PRKG1: variants seen among roughly 807,000 people sequenced by gnomAD.
PRKG1 encodes protein kinase cGMP-dependent 1, also known as cGMP-dependent protein kinase 1.
Under a neutral mutation model 88.1 loss-of-function variants are expected in PRKG1, and 35 were observed. That is an observed-to-expected ratio of 0.40 (90% CI 0.30 to 0.53). PRKG1 has a LOEUF of 0.53. Ranked by LOEUF, PRKG1 falls within the 20% of genes least tolerant of loss-of-function variation. PRKG1 has a pLI of 0.59. For synonymous variants in PRKG1, 303 were observed against 292.5 expected (o/e 1.04, Z -0.37); for missense variants, 540 against 839.8 (o/e 0.64, Z 4.41).
intron 3 of PRKG1, among the ~76,000 whole-genome samples, chr10:51,519,271 C>G (rs1013152450): frequency 6.6e-6 from 1 of 152,146 alleles, no homozygotes; most frequent in African/African-American, 2.4e-5. Flanking sequence ...TAATTACATT[C>G]TCATTTAACC....
intron 7 of PRKG1, among the ~76,000 whole-genome samples, chr10:52,108,359 G>A (rs149109570): frequency 2.7e-3 from 414 of 152,316 alleles, no homozygotes; most frequent in African/African-American, 7.9e-3. Flanking sequence ...AGAAATTCAT[G>A]TCTACATGTT....
chr10:52,153,853 C>T (rs1011597917), intron 8 of PRKG1, among the ~76,000 whole-genome samples: 13 of 152,228 alleles, frequency 8.5e-5, no homozygotes, highest in Admixed American at 7.8e-4. Context: ...TCAAGTGATT[C>T]TCCTGCCTCA....
rs139418033 is a variant in PRKG1 at position 52,105,042 on chromosome 10, C to G, written c.936-28798C>G. 3.2e-3 allele frequency among the ~76,000 whole-genome samples: 492 copies of G among 152,298 alleles called. 4 individuals are homozygous for G. The highest frequency in any genetic ancestry group is 0.011 in the African/African-American group (440 of 41,570). ...GACAATAAATATAATGGACAACTAACAGAGGCCACGCAGATGCTATTTTAA... is the reference window on the plus strand; with the variant it reads ...GACAATAAATATAATGGACAACTAAGAGAGGCCACGCAGATGCTATTTTAA... On this transcript the variant is annotated intron_variant, in intron 7 of 17. Transcript: ENST00000373980.
chr10:52,163,225 T>TTGTGTGTG (rs150295348), intron 9 of PRKG1, among the ~76,000 whole-genome samples: 99 of 146,814 alleles, frequency 6.7e-4, no homozygotes, highest in African/African-American at 2.4e-3. Context: ...TTTCGTGTGT[T>TTGTGTGTG]TGTGTGTGTG....
chr10:51,099,797 T>A (rs1038766739), intron 1 of PRKG1, among the ~76,000 whole-genome samples: 1 of 152,252 alleles, frequency 6.6e-6, no homozygotes, highest in African/African-American at 2.4e-5. Context: ...TAAGATTTTT[T>A]GATCATACAC....
intron 4 of PRKG1, among the ~76,000 whole-genome samples, chr10:51,885,678 AC>A (rs1341655563): frequency 1.3e-5 from 2 of 151,904 alleles, no homozygotes; most frequent in African/African-American, 4.8e-5. Flanking sequence ...TCTTTATTAT[AC>A]TCTGTTCCCA....
At position 51,813,672 on chromosome 10, in the gene PRKG1, C is replaced by T. The variant is rs370199438; in HGVS notation, c.698+8982C>T. Among the ~76,000 whole-genome samples, 38 of 152,218 alleles carry T rather than the reference C, an allele frequency of 2.5e-4. 1 individual carries two copies. The East Asian group carries it at 5.0e-3, about 20-fold the overall frequency. On this transcript the variant is annotated intron_variant, in intron 4 of 17. Transcript: ENST00000373980. ...TCTTAAACTCCACCCTATACTGCCTCAATAAATTCTGGATACCCAAATATT... is the reference window on the plus strand; with the variant it reads ...TCTTAAACTCCACCCTATACTGCCTTAATAAATTCTGGATACCCAAATATT...
chr10:51,520,369 G>A (rs1382031427), intron 3 of PRKG1, among the ~76,000 whole-genome samples: 2 of 149,562 alleles, frequency 1.3e-5, no homozygotes, highest in African/African-American at 4.9e-5. Flanking sequence ...AATTATATAG[G>A]ATAATGAATG....
chr10:51,737,469 C>G (rs939614704), intron 3 of PRKG1, among the ~76,000 whole-genome samples: 1 of 152,084 alleles, frequency 6.6e-6, no homozygotes, highest in African/African-American at 2.4e-5. Context: ...AATTGAGAGA[C>G]GTTAAATGGC....
At chr10:51,422,056 A>C (rs1371474704) in intron 2 of PRKG1, among the ~76,000 whole-genome samples, 1 of 152,134 alleles carries the variant, frequency 6.6e-6, no homozygotes, top group Non-Finnish European at 1.5e-5. Flanking sequence ...TGTGCCAGGC[A>C]CCCTTGAGTG....
intron 4 of PRKG1, among the ~76,000 whole-genome samples, chr10:51,840,690 G>A (rs2132775919): frequency 6.6e-6 from 1 of 152,186 alleles, no homozygotes; most frequent in South Asian, 2.1e-4. Flanking sequence ...GGGATTACAG[G>A]TGTGCACCGC....
chr10:51,163,435 C>T (rs548351880), intron 2 of PRKG1, among the ~76,000 whole-genome samples: 80 of 152,284 alleles, frequency 5.3e-4, no homozygotes, highest in African/African-American at 7.7e-4. Flanking sequence ...GGAACAGCTC[C>T]GGTCTACAGC....
At chr10:51,943,867 T>G (rs1034865129) in intron 5 of PRKG1, among the ~76,000 whole-genome samples, 1 of 152,058 alleles carries the variant, frequency 6.6e-6, no homozygotes, top group Non-Finnish European at 1.5e-5. Context: ...AGTATTTTAT[T>G]GAGGATTTTT....
At chr10:51,847,823 GAGACTCA>G (rs139437579) in intron 4 of PRKG1, among the ~76,000 whole-genome samples, 8,931 of 76,124 alleles carry the variant, frequency 0.12, 465 homozygotes, top group Middle Eastern at 0.35. Flanking sequence ...GCAACATAGA[GAGACTCA>G]AGACTCTGTT....
intron 7 of PRKG1, among the ~76,000 whole-genome samples, chr10:52,063,686 G>A (rs1846290358): frequency 6.6e-6 from 1 of 152,150 alleles, no homozygotes; most frequent in South Asian, 2.1e-4. Context: ...CCTGCAGTGG[G>A]CAGCCCCTCT....
At position 52,042,408 on chromosome 10, in the gene PRKG1, GAAAT is replaced by G. The variant is rs561318390; in HGVS notation, c.763-12071_763-12068del. Among the ~76,000 whole-genome samples, 11 of 152,188 alleles carry G rather than the reference GAAAT, an allele frequency of 7.2e-5. No individual in the cohort carries two copies. In the South Asian group the frequency reaches 2.1e-3, roughly 29 times the overall value. On this transcript the variant is annotated intron_variant, in intron 5 of 17. Coordinates refer to ENST00000373980, the MANE Select transcript of PRKG1 (RefSeq NM_006258.4). ...ATGAATGAACAAAATAGAAAGCCCA[GAAAT>G]AAATCCACATATCAACAGCCAACTG...
At chr10:52,128,309 G>C in intron 7 of PRKG1, 2 of 985,396 alleles carry the variant, frequency 2.0e-6, no homozygotes, top group South Asian at 9.4e-5. Flanking sequence ...TACTCTGACA[G>C]CTACTTTGTA....
intron 3 of PRKG1, chr10:51,698,268 A>C: frequency 6.2e-7 from 1 of 1,613,952 alleles, no homozygotes; most frequent in Non-Finnish European, 8.5e-7. Flanking sequence ...CGTGTCTCTA[A>C]GACCTCAGTT....
At chr10:51,531,309 G>A (rs940087794) in intron 3 of PRKG1, among the ~76,000 whole-genome samples, 1 of 152,008 alleles carries the variant, frequency 6.6e-6, no homozygotes. Flanking sequence ...TAATCTTGAC[G>A]GTAACAATCA....
Sources: allele counts gnomAD v4.1 joint callset (sites outside exome capture counted in the v4.1 genomes callset), GRCh38; gene constraint gnomAD v4.1.1; transcripts MANE v1.5; gene names NCBI Gene and HGNC (gene_info 2026-07-23, HGNC 2026-07-21).